KCNG1: variants seen among roughly 807,000 people sequenced by gnomAD.
KCNG1 encodes voltage-gated potassium channel regulatory subunit KCNG1.
KCNG1 carries 17 observed loss-of-function variants against 32.4 expected under a neutral mutation model. The observed-to-expected ratio is 0.52, with a 90% CI of 0.36 to 0.79. The LOEUF is 0.79. Among genes scored for constraint, KCNG1 ranks in the 30% least tolerant of loss-of-function variants. The probability of loss-of-function intolerance (pLI) is 0.00; values close to 1 mark genes in which losing one functional copy is unlikely to be tolerated. For missense variants in KCNG1, 441 were observed against 735.2 expected, an observed-to-expected ratio of 0.60 and a Z score of 4.63; for synonymous variants, 358 against 339.9, an observed-to-expected ratio of 1.05 and a Z score of -0.59.
rs1987771151 is a variant in KCNG1, at chr20:51,004,960, C to T, written c.775-154G>A. ...GTCCTCTCCCTAGTTGTGCCCACTC[C>T]GAGGCCTGGGGCACTAAGCACCATC... On this transcript the variant is annotated intron_variant, in intron 2 of 2. Transcript: ENST00000371571. The surrounding 1 kb of genome is among the most constrained non-coding windows in gnomAD (Gnocchi z 4.3). The T allele has an allele frequency of 7.5e-6, 5 of 669,368 alleles. No individual in the cohort carries two copies. Among genetic ancestry groups the T allele is most frequent in the South Asian group, 2.5e-5 (1 of 40,728 alleles). 41.5% of individuals were successfully genotyped at this position (669,368 alleles called of 1,614,324 possible).
chr20:51,003,765 T>C lies in KCNG1; in HGVS notation c.*274A>G, dbSNP rs530077854. The C allele has an allele frequency of 5.2e-4, 194 of 376,466 alleles. No homozygotes were observed. In the South Asian group the frequency reaches 6.8e-3, roughly 13 times the overall value. 23.3% of individuals were successfully genotyped at this position (376,466 alleles called of 1,614,324 possible). A position where few individuals can be genotyped will look rare whatever the true frequency, so the allele number is the denominator to read the frequency against. Reference sequence around the variant, plus strand: ...GTGAAAAGAACAAGGCATCTCCTTATTGAGGGAAACACACATAGGGGCTGG... The same window carrying C: ...GTGAAAAGAACAAGGCATCTCCTTACTGAGGGAAACACACATAGGGGCTGG... On this transcript the variant is annotated 3_prime_UTR_variant, in exon 3 of 3. Coordinates refer to ENST00000371571, the MANE Select transcript of KCNG1 (RefSeq NM_002237.4).
At chr20:51,011,134 A>G (rs553952343) in intron 1 of KCNG1, among the ~76,000 whole-genome samples, 3 of 152,230 alleles carry the variant, frequency 2.0e-5, no homozygotes, top group Non-Finnish European at 4.4e-5. Context: ...CTGAGCTGAC[A>G]AAGACATTCA....
At chr20:51,014,643 A>G (rs949505867) in intron 1 of KCNG1, among the ~76,000 whole-genome samples, 2 of 152,252 alleles carry the variant, frequency 1.3e-5, no homozygotes, top group African/African-American at 4.8e-5. Flanking sequence ...GGCAGAGAAC[A>G]AGACAGACCT....
Position 51,004,763 on chromosome 20 carries a change from G to A in KCNG1, c.818C>T (p.Ser273Leu), listed in dbSNP as rs1242567643. The change falls in exon 3 of 3, where the codon TCG (serine) becomes TTG (leucine). Residue 273 changes from serine (S) to leucine (L), a missense_variant. Ser to Leu is a moderately radical substitution (Grantham distance 145). This residue lies in a region of KCNG1 where 169 missense variants were observed against 297.7 expected (regional missense o/e 0.57). Coordinates refer to ENST00000371571, the MANE Select transcript of KCNG1 (RefSeq NM_002237.4). The surrounding 1 kb of genome is among the most constrained non-coding windows in gnomAD (Gnocchi z 4.3). ...CAGGGAGAACCAGCCCACGCACACCGACTCCACGATGAAGACGTTGTGGCA... is the reference window on the plus strand; with the variant it reads ...CAGGGAGAACCAGCCCACGCACACCAACTCCACGATGAAGACGTTGTGGCA... ...QMCHNVFIVE[S>L]VCVGWFSLEF... is the part of the protein sequence containing the mutation. 2 of 1,588,712 alleles carry A rather than the reference G, an allele frequency of 1.3e-6. No homozygotes were observed.
In KCNG1 at chr20:51,004,351, G is replaced by A. The variant is rs1987733612; in HGVS notation, c.1230C>T (p.Ser410=). The A allele has an allele frequency of 1.9e-6, 3 of 1,613,928 alleles. No homozygotes were observed. Among genetic ancestry groups the A allele is most frequent in the Non-Finnish European group, 2.5e-6 (3 of 1,179,816 alleles). ...NEMADSPEFT[S]IPACYWWAVI... ...CAGCCCACCAGTAGCAGGCAGGGAT[G>A]CTGGTGAACTCGGGGCTGTCGGCCA... The change falls in exon 3 of 3, where the codon AGC becomes AGT. Residue 410 remains serine, a synonymous_variant. Transcript: ENST00000371571. The surrounding 1 kb of genome is among the most constrained non-coding windows in gnomAD (Gnocchi z 4.3).
intron 2 of KCNG1, among the ~76,000 whole-genome samples, chr20:51,009,293 C>G (rs2123226991): frequency 6.6e-6 from 1 of 152,320 alleles, no homozygotes; most frequent in South Asian, 2.1e-4. Flanking sequence ...TGGTTGAGTG[C>G]CTGTTTGTGC....
rs1601104330 is a variant in KCNG1 at position 51,015,584 on chromosome 20, C to G, written c.-26-5220G>C. ...GGGGGCCTCACCTGTGCCCTGTGCC[C>G]GGTAGCCACTGAAGCTGCATCACAT... is the stretch of plus-strand genomic sequence containing the variant. On this transcript the variant is annotated intron_variant, in intron 1 of 2. Transcript: ENST00000371571. The surrounding 1 kb of genome is among the most constrained non-coding windows in gnomAD (Gnocchi z 4.4). 6.6e-6 allele frequency among the ~76,000 whole-genome samples: 1 copy of G among 152,138 alleles called. No individual in the cohort carries two copies. Among genetic ancestry groups the G allele is most frequent in the Non-Finnish European group, 1.5e-5 (1 of 68,016 alleles).
At chr20:51,020,085 C>G (rs1048031188) in intron 1 of KCNG1, among the ~76,000 whole-genome samples, 2 of 152,202 alleles carry the variant, frequency 1.3e-5, no homozygotes, top group Non-Finnish European at 2.9e-5. Context: ...CCATCCCTCC[C>G]TTGCCCCCAA....
chr20:51,004,553 C>T lies in KCNG1; in HGVS notation c.1028G>A (p.Arg343His), dbSNP rs1473799992. 2 of 1,584,722 alleles carry T rather than the reference C, an allele frequency of 1.3e-6. No homozygotes were observed. The highest frequency in any genetic ancestry group is 1.3e-5 in the African/African-American group (1 of 74,510). ...SYLDKVGLVLRVLRALRILYV... is the reference protein window; with the variant it reads ...SYLDKVGLVLHVLRALRILYV... ...CAGGATGCGCAGCGCCCGCAGCACG[C>T]GCAGCACCAGCCCCACCTTGTCCAG... Residue 343 changes from arginine (R) to histidine (H), a missense_variant, in exon 3 of 3, where the codon CGC becomes CAC. Arg to His is a conservative substitution (Grantham distance 29). Around this residue, in one of 6 missense-constraint regions of KCNG1, gnomAD observed 169 missense variants for 297.7 expected, o/e 0.57. Transcript: ENST00000371571. The surrounding 1 kb of genome is among the most constrained non-coding windows in gnomAD (Gnocchi z 4.3).
In KCNG1 at chr20:51,010,261, C is replaced by A; in HGVS notation, c.78G>T (p.Pro26=). The change falls in exon 2 of 3, where the codon CCG becomes CCT. Residue 26 remains proline (P), a synonymous_variant. Transcript: ENST00000371571. ...TGGCCTGGCGCTGCGGGAGGAAGGCCGGGTGGAAGGAGGCGTCCGAGGTGC... is the reference window on the plus strand; with the variant it reads ...TGGCCTGGCGCTGCGGGAGGAAGGCAGGGTGGAAGGAGGCGTCCGAGGTGC... The part of the protein sequence containing the change: ...LSCTSDASFH[P]AFLPQRQAIK... 3 of 1,531,732 alleles carry A rather than the reference C, an allele frequency of 2.0e-6. No homozygotes were observed. In the South Asian group the frequency reaches 3.8e-5, roughly 19 times the overall value. The allele number at this position is 1,531,732 out of a possible 1,614,324, so 94.9% of individuals were successfully genotyped here.
intron 2 of KCNG1, among the ~76,000 whole-genome samples, chr20:51,008,335 A>T (rs575363071): frequency 6.6e-6 from 1 of 151,956 alleles, no homozygotes; most frequent in African/African-American, 2.4e-5. Context: ...TTTTTAAAAA[A>T]ATTTTGTGTT....
intron 1 of KCNG1, among the ~76,000 whole-genome samples, chr20:51,014,872 C>T (rs959372221): frequency 4.6e-5 from 7 of 152,136 alleles, no homozygotes; most frequent in Non-Finnish European, 8.8e-5. Flanking sequence ...TAGATCCAGC[C>T]CCGTGAGGAC....
intron 1 of KCNG1, among the ~76,000 whole-genome samples, chr20:51,020,346 G>C: frequency 6.6e-6 from 1 of 152,278 alleles, no homozygotes; most frequent in South Asian, 2.1e-4. Flanking sequence ...GGAGACACCT[G>C]CTTACCAGAG....
rs1743750305 is a variant in KCNG1 at position 51,015,856 on chromosome 20, A to G, written c.-26-5492T>C. ...CTTATTTGTGGAAAAAGAAAGCAGG[A>G]GATGGAGCGGCAGAGGGCTGCGGCA... On this transcript the variant is annotated intron_variant, in intron 1 of 2. Transcript: ENST00000371571. The surrounding 1 kb of genome is among the most constrained non-coding windows in gnomAD (Gnocchi z 4.4). Among the ~76,000 whole-genome samples, 1 of 152,136 alleles carries G rather than the reference A, an allele frequency of 6.6e-6. No individual in the cohort carries two copies. Among genetic ancestry groups the G allele is most frequent in the Admixed American group, 6.5e-5 (1 of 15,280 alleles).
chr20:51,004,928 G>A lies in KCNG1; in HGVS notation c.775-122C>T, dbSNP rs1987769743. 9.8e-7 allele frequency: 1 copy of A among 1,023,314 alleles called. No individual in the cohort carries two copies. The highest frequency in any genetic ancestry group is 1.4e-6 in the Non-Finnish European group (1 of 725,550). 63.4% of individuals were successfully genotyped at this position (1,023,314 alleles called of 1,614,324 possible). ...GAAGGTGACCTCTCCAGGTTGAGTG[G>A]CCCCGGGTCCTCTCCCTAGTTGTGC... On this transcript the variant is annotated intron_variant, in intron 2 of 2. Transcript: ENST00000371571. The surrounding 1 kb of genome is among the most constrained non-coding windows in gnomAD (Gnocchi z 4.3).
In KCNG1 at chr20:51,004,591, C is replaced by G. The variant is rs544808363; in HGVS notation, c.990G>C (p.Ala330=). The change falls in exon 3 of 3, where the codon GCG becomes GCC. Residue 330 remains alanine (A), a synonymous_variant. Coordinates refer to ENST00000371571, the MANE Select transcript of KCNG1 (RefSeq NM_002237.4). This position sits in a 1 kb window ranked among gnomAD's most constrained non-coding sequence, Gnocchi z 4.3. ...CCACCTTGTCCAGGTAGCTGTTGCCCGCGCCGGGCTTGCGACGGCCTGCGG... is the reference window on the plus strand; with the variant it reads ...CCACCTTGTCCAGGTAGCTGTTGCCGGCGCCGGGCTTGCGACGGCCTGCGG... The part of the protein sequence containing the change: ...GAAAGRRKPG[A]GNSYLDKVGL... 111 of 1,578,172 alleles carry G rather than the reference C, an allele frequency of 7.0e-5. No individual in the cohort carries two copies. Among genetic ancestry groups the G allele is most frequent in the Admixed American group, 3.7e-4 (20 of 54,516 alleles).
At position 51,009,792 on chromosome 20, in the gene KCNG1, C is replaced by A; in HGVS notation, c.547G>T (p.Glu183Ter). Residue 183 changes from glutamate (E) to a stop codon, truncating the protein, a stop_gained, in exon 2 of 3, where the codon GAG (glutamate) becomes TAG (stop). Transcript: ENST00000371571. LOFTEE classifies it high-confidence loss of function. ...IEEFAEMVER[E>*]EEDDALDSEG... ...CTGTCCAGCGCGTCGTCCTCTTCCT[C>A]CCGCTCCACCATCTCCGCGAACTCC... is the stretch of plus-strand genomic sequence containing the variant. The A allele has an allele frequency of 6.2e-7, 1 of 1,612,324 alleles. No homozygotes were observed. Among genetic ancestry groups the A allele is most frequent in the Non-Finnish European group, 8.5e-7 (1 of 1,179,890 alleles).
chr20:51,010,660 C>T (rs1196062125), intron 1 of KCNG1, among the ~76,000 whole-genome samples: 4 of 152,086 alleles, frequency 2.6e-5, no homozygotes, highest in African/African-American at 9.7e-5. Flanking sequence ...TTTGGGAGGC[C>T]GAGGCGGGTG....
chr20:51,016,999 C>G (rs1988303841), intron 1 of KCNG1, among the ~76,000 whole-genome samples: 1 of 152,238 alleles, frequency 6.6e-6, no homozygotes. Flanking sequence ...TTTCCCAGAC[C>G]TGGGACCACA....
Sources: allele counts gnomAD v4.1 joint callset (sites outside exome capture counted in the v4.1 genomes callset), GRCh38; gene constraint gnomAD v4.1.1; regional missense constraint gnomAD v4.1.1; non-coding constraint Gnocchi (gnomAD v3.1); transcripts MANE v1.5; gene names NCBI Gene and HGNC (gene_info 2026-07-23, HGNC 2026-07-21).